Variants in HTT observed in about 807,000 individuals in gnomAD.
The protein encoded by HTT is huntingtin.
In HTT, 104 loss-of-function variants were observed where a neutral mutation model predicts 362.3. The ratio of observed to expected loss-of-function variants is 0.29; its 90% CI spans 0.24 to 0.34. The LOEUF is 0.34. HTT is among the 10% of genes least tolerant of loss of function. HTT has a pLI of 1.00. For missense variants in HTT, 3,301 were observed against 3,928.6 expected (o/e 0.84, Z 4.27); for synonymous variants, 1,577 against 1,548.7 (o/e 1.02, Z -0.43).
At chr4:3,178,538 G>A in intron 35 of HTT, 92 bp downstream of exon 35, 1 of 1,081,836 alleles carries the variant, frequency 9.2e-7, no homozygotes, top group Non-Finnish European at 1.4e-6. Context: ...GTTGTCAGTG[G>A]CAGCCATGTG....
intron 47 of HTT, 30 bp from the exon 48 acceptor site, chr4:3,211,899 G>A (rs1169204218): frequency 1.5e-5 from 23 of 1,517,840 alleles, no homozygotes; most frequent in Non-Finnish European, 2.0e-5. Flanking sequence ...TGTTGTTATT[G>A]TTTGTTAACC....
rs1716700113 is a variant in HTT, at chr4:3,148,142, C to G, written c.3433C>G (p.Leu1145Val). The change falls in exon 26 of 67, where the codon CTG becomes GTG. Residue 1145 changes from leucine (L) to valine (V), a missense_variant. Leu to Val is a conservative substitution (Grantham distance 32, BLOSUM62 1). This residue lies in a region of HTT where 2,316 missense variants were observed against 2,658.5 expected (regional missense o/e 0.87). Coordinates refer to ENST00000355072, the MANE Select transcript of HTT (RefSeq NM_001388492.1). ...VPMVEQLFSH[L>V]LKVINICAHV... Reference sequence around the variant, plus strand: ...CATGGTGGAGCAGCTCTTCTCTCACCTGCTGAAGGTGATTAACATTTGTGC... The same window carrying G: ...CATGGTGGAGCAGCTCTTCTCTCACGTGCTGAAGGTGATTAACATTTGTGC... The G allele has an allele frequency of 1.2e-6, 2 of 1,613,448 alleles. No homozygotes were observed. Among genetic ancestry groups the G allele is most frequent in the Non-Finnish European group, 1.7e-6 (2 of 1,179,688 alleles).
intron 1 of HTT, among the ~76,000 whole-genome samples, chr4:3,084,076 G>A (rs1422313688): frequency 6.6e-6 from 1 of 152,140 alleles, no homozygotes; most frequent in Non-Finnish European, 1.5e-5. Context: ...ATTAGTGGTT[G>A]CCTGGGGTTA....
intron 29 of HTT, among the ~76,000 whole-genome samples, chr4:3,161,007 G>A (rs1004615533): frequency 3.9e-5 from 6 of 152,014 alleles, no homozygotes; most frequent in Non-Finnish European, 7.4e-5. Context: ...GTGCCATGAT[G>A]GTTTGCTGCA....
chr4:3,145,709 A>C (rs1337890581), intron 24 of HTT, among the ~76,000 whole-genome samples: 1 of 152,244 alleles, frequency 6.6e-6, no homozygotes, highest in Non-Finnish European at 1.5e-5. Flanking sequence ...AGTCTTCTCC[A>C]GCATTCAGGA....
chr4:3,200,821 G>T (rs1252030837), intron 41 of HTT, among the ~76,000 whole-genome samples: 9 of 152,234 alleles, frequency 5.9e-5, no homozygotes, highest in Non-Finnish European at 1.3e-4. Context: ...ATGCTTGGTG[G>T]ATGTCTTAGG....
At chr4:3,208,714 A>G in intron 45 of HTT, 59 bp from the exon 46 acceptor site, 2 of 1,464,484 alleles carry the variant, frequency 1.4e-6, no homozygotes, top group Non-Finnish European at 9.2e-7. Flanking sequence ...AGTTTAGACT[A>G]AGACTAAAAA....
intron 29 of HTT, among the ~76,000 whole-genome samples, chr4:3,168,485 T>G (rs1717816330): frequency 6.6e-6 from 1 of 152,216 alleles, no homozygotes; most frequent in Non-Finnish European, 1.5e-5. Context: ...ATAGCAACAC[T>G]AGGAATAAAA....
intron 61 of HTT, among the ~76,000 whole-genome samples, chr4:3,234,957 G>C (rs1721450250): frequency 6.6e-6 from 1 of 152,212 alleles, no homozygotes; most frequent in Admixed American, 6.5e-5. Context: ...GGACTGGCCT[G>C]GGGTGTGGGA....
Position 3,194,160 on chromosome 4 carries a change from G to T in HTT, c.5368+5067G>T, listed in dbSNP as rs190105425. Among the ~76,000 whole-genome samples the T allele has an allele frequency of 1.1e-4, 16 of 152,272 alleles. No individual in the cohort carries two copies. In the East Asian group the frequency reaches 3.1e-3, roughly 29 times the overall value. On this transcript the variant is annotated intron_variant, in intron 40 of 66. Coordinates refer to ENST00000355072, the MANE Select transcript of HTT (RefSeq NM_001388492.1). Reference sequence around the variant, plus strand: ...AGGCTATGAATTCCACCCATAAACCGAAAATGAAGACCTTTAAATTTGTCC... The same window carrying T: ...AGGCTATGAATTCCACCCATAAACCTAAAATGAAGACCTTTAAATTTGTCC...
At chr4:3,229,075 C>A in intron 59 of HTT, 66 bp downstream of exon 59, 4 of 1,472,824 alleles carry the variant, frequency 2.7e-6, no homozygotes, top group Non-Finnish European at 1.9e-6. Flanking sequence ...GCCACACACC[C>A]CACACACACA....
rs1274806515 is a variant in HTT, at chr4:3,180,670, G to C, written c.4749+19G>C. The C allele has an allele frequency of 6.2e-7, 1 of 1,608,338 alleles. No homozygotes were observed. Among genetic ancestry groups the C allele is most frequent in the Non-Finnish European group, 8.5e-7 (1 of 1,177,200 alleles). Reference sequence around the variant, plus strand: ...CCATCAGGTAAGAGGAATGTATGTTGGAACTGTCGTGGATACTTTATTGAC... The same window carrying C: ...CCATCAGGTAAGAGGAATGTATGTTCGAACTGTCGTGGATACTTTATTGAC... On this transcript the variant is annotated intron_variant, in intron 36 of 66. Transcript: ENST00000355072.
At chr4:3,128,682 A>G (rs1715637203) in intron 12 of HTT, 1 of 152,050 alleles carries the variant, frequency 6.6e-6, no homozygotes, top group Admixed American at 6.5e-5. Flanking sequence ...TGGACAAAAA[A>G]CCCTCATGGA....
chr4:3,075,801 C>G (rs949325327), intron 1 of HTT, among the ~76,000 whole-genome samples: 5 of 152,056 alleles, frequency 3.3e-5, no homozygotes, highest in African/African-American at 1.2e-4. Flanking sequence ...TAAGCACCAC[C>G]TAAGAGATCT....
In HTT at chr4:3,224,113, C is replaced by T; in HGVS notation, c.7747C>T (p.Leu2583=). ...LYQAWDPVPS[L]SPATTGALIS... is the part of the protein sequence containing the mutation. The stretch of plus-strand genomic sequence containing the variant: ...TCAGGCATGGGATCCTGTCCCTTCT[C>T]TGTCTCCGGCTACTACAGGTACCTG... Residue 2583 remains leucine (L), a synonymous_variant, in exon 56 of 67, where the codon CTG becomes TTG. Transcript: ENST00000355072. 6.2e-7 allele frequency: 1 copy of T among 1,614,090 alleles called. No homozygotes were observed. The highest frequency in any genetic ancestry group is 8.5e-7 in the Non-Finnish European group (1 of 1,179,954).
intron 37 of HTT, among the ~76,000 whole-genome samples, chr4:3,185,211 T>G (rs998129982): frequency 2.0e-5 from 3 of 152,150 alleles, no homozygotes; most frequent in Non-Finnish European, 4.4e-5. Context: ...GTTTACGCAC[T>G]GAGGGCAGAA....
chr4:3,178,095 G>A (rs143264484), intron 34 of HTT, among the ~76,000 whole-genome samples: 33 of 152,306 alleles, frequency 2.2e-4, no homozygotes, highest in African/African-American at 7.7e-4. Context: ...TGCTGCCTCC[G>A]AACCTTTACA....
At position 3,153,668 on chromosome 4, in the gene HTT, A is replaced by T. The variant is rs564902103; in HGVS notation, c.3499-625A>T. On this transcript the variant is annotated intron_variant, in intron 26 of 66. Transcript: ENST00000355072. ...TTGGGCACGGTGGCTCATGCCTGTA[A>T]TTCCAGCACTTTGGGAGGCTGAGAT... Among the ~76,000 whole-genome samples, 8 of 152,236 alleles carry T rather than the reference A, an allele frequency of 5.3e-5. No homozygotes were observed. In the South Asian group the frequency reaches 1.7e-3, roughly 32 times the overall value.
rs532233819 is a variant in HTT, at chr4:3,116,807, T to C, written c.1068+544T>C. Among the ~76,000 whole-genome samples the C allele has an allele frequency of 2.0e-5, 3 of 152,376 alleles. No individual in the cohort carries two copies. The South Asian group carries it at 6.2e-4, about 32-fold the overall frequency. Reference sequence around the variant, plus strand: ...AATTCTAATGTACTGTGATTGGCAGTTGACTTCAGTTCTTTGTAGCACGCT... The same window carrying C: ...AATTCTAATGTACTGTGATTGGCAGCTGACTTCAGTTCTTTGTAGCACGCT... On this transcript the variant is annotated intron_variant, in intron 8 of 66. Coordinates refer to ENST00000355072, the MANE Select transcript of HTT (RefSeq NM_001388492.1).
Sources: gnomAD v4.1 joint callset for allele counts (sites outside exome capture counted in the v4.1 genomes callset) on GRCh38, gnomAD v4.1.1 for gene constraint, gnomAD v4.1.1 regional missense constraint, MANE v1.5 for transcripts, NCBI Gene and HGNC (gene_info 2026-07-23, HGNC 2026-07-21) for gene names.